Variants in PTPRG observed in about 807,000 individuals in gnomAD.
The protein encoded by PTPRG is protein tyrosine phosphatase receptor type G.
In PTPRG, 102 loss-of-function variants were observed where a neutral mutation model predicts 165.3. The observed-to-expected ratio is 0.62, with a 90% confidence interval of 0.53 to 0.73. PTPRG has a LOEUF of 0.73. PTPRG is among the 30% of genes least tolerant of loss of function. The pLI is 0.00. For synonymous variants in PTPRG, 675 were observed against 669.5 expected, an observed-to-expected ratio of 1.01 and a Z score of -0.13; for missense variants, 1,866 against 1,861.4, an observed-to-expected ratio of 1.00 and a Z score of -0.05.
intron 4 of PTPRG, among the ~76,000 whole-genome samples, chr3:62,046,557 CCAATTAGTCATCAT>C: frequency 6.6e-6 from 1 of 152,316 alleles, no homozygotes; most frequent in South Asian, 2.1e-4. Flanking sequence ...GCAGCCACCA[CCAATTAGTCATCAT>C]TGGCATGCTT....
In PTPRG at chr3:62,293,884, G is replaced by A. The variant is rs1702982064; in HGVS notation, c.*577G>A. 6.6e-6 allele frequency: 1 copy of A among 152,462 alleles called. No homozygotes were observed. The highest frequency in any genetic ancestry group is 2.4e-5 in the African/African-American group (1 of 41,412). 9.4% of individuals were successfully genotyped at this position (152,462 alleles called of 1,614,324 possible). ...GCCTTGAAACAGTTCCATTTATGCT[G>A]GTTAAGAGATCCCTTAAGAAGTTAG... On this transcript the variant is annotated 3_prime_UTR_variant, in exon 30 of 30. Coordinates refer to ENST00000474889, the MANE Select transcript of PTPRG (RefSeq NM_002841.4).
chr3:62,065,365 G>C (rs1220217789), intron 4 of PTPRG, among the ~76,000 whole-genome samples: 1 of 152,150 alleles, frequency 6.6e-6, no homozygotes, highest in Non-Finnish European at 1.5e-5. Context: ...CTGAAAATGG[G>C]TCTTTCAGCA....
chr3:61,768,567 C>A (rs1356208369), intron 2 of PTPRG, among the ~76,000 whole-genome samples: 1 of 152,118 alleles, frequency 6.6e-6, no homozygotes, highest in Non-Finnish European at 1.5e-5. Context: ...GGAGGCTGTT[C>A]ACAGGCTTTT....
intron 1 of PTPRG, among the ~76,000 whole-genome samples, chr3:61,625,033 C>G (rs1701568987): frequency 6.6e-6 from 1 of 151,892 alleles, no homozygotes; most frequent in Admixed American, 6.6e-5. Flanking sequence ...GCCTGTGTCA[C>G]TTTGTGTCAT....
chr3:61,964,914 A>G (rs1397126479), intron 2 of PTPRG, among the ~76,000 whole-genome samples: 1 of 152,146 alleles, frequency 6.6e-6, no homozygotes, highest in Non-Finnish European at 1.5e-5. Flanking sequence ...GCCTTTAAAA[A>G]AAATCCAATC....
At position 62,063,347 on chromosome 3, in the gene PTPRG, T is replaced by A. The variant is rs186255015; in HGVS notation, c.520-14816T>A. On this transcript the variant is annotated intron_variant, in intron 4 of 29. Coordinates refer to ENST00000474889, the MANE Select transcript of PTPRG (RefSeq NM_002841.4). The stretch of plus-strand genomic sequence containing the variant: ...GTTCTTTTTACCACTAAAGCCTTTA[T>A]CCAGTTCAGAAAATGCCTCTCTCTA... 2.8e-3 allele frequency among the ~76,000 whole-genome samples: 425 copies of A among 152,326 alleles called. 2 individuals carry two copies. Among genetic ancestry groups the A allele is most frequent in the African/African-American group, 9.8e-3 (407 of 41,576 alleles).
intron 3 of PTPRG, among the ~76,000 whole-genome samples, chr3:62,000,478 G>A (rs544253257): frequency 6.6e-6 from 1 of 152,192 alleles, no homozygotes; most frequent in African/African-American, 2.4e-5. Context: ...AGAGAGAGAA[G>A]CATCCAGAGA....
At chr3:62,117,283 C>T (rs762179512) in intron 5 of PTPRG, among the ~76,000 whole-genome samples, 10 of 152,244 alleles carry the variant, frequency 6.6e-5, no homozygotes, top group African/African-American at 9.6e-5. Context: ...TCCCAGCTAG[C>T]TCACAAACTG....
chr3:62,028,560 G>A (rs921076803), intron 4 of PTPRG, among the ~76,000 whole-genome samples: 1 of 152,118 alleles, frequency 6.6e-6, no homozygotes, highest in African/African-American at 2.4e-5. Flanking sequence ...CCTTGCCACC[G>A]TATTATGTTA....
chr3:61,641,267 A>G (rs1458449242), intron 1 of PTPRG, among the ~76,000 whole-genome samples: 2 of 151,840 alleles, frequency 1.3e-5, no homozygotes, highest in Admixed American at 6.6e-5. Context: ...ACCATCAAGC[A>G]TTGTTCTTGG....
intron 6 of PTPRG, among the ~76,000 whole-genome samples, chr3:62,135,596 C>T (rs1490834069): frequency 6.6e-6 from 1 of 152,140 alleles, no homozygotes. Context: ...ATAACCTGCT[C>T]ATATCAGCCA....
intron 5 of PTPRG, among the ~76,000 whole-genome samples, chr3:62,111,908 G>A (rs544052735): frequency 6.6e-6 from 1 of 152,276 alleles, no homozygotes; most frequent in Non-Finnish European, 1.5e-5. Flanking sequence ...ATGTATGTAT[G>A]AATCTGTAGG....
At chr3:61,575,918 G>A (rs1700165360) in intron 1 of PTPRG, among the ~76,000 whole-genome samples, 1 of 152,086 alleles carries the variant, frequency 6.6e-6, no homozygotes, top group South Asian at 2.1e-4. Flanking sequence ...TGCCCGGCTG[G>A]CACACAAAAT....
At chr3:62,232,183 T>C (rs982026769) in intron 14 of PTPRG, among the ~76,000 whole-genome samples, 5 of 152,176 alleles carry the variant, frequency 3.3e-5, no homozygotes, top group Admixed American at 1.3e-4. Context: ...GATGAAATTT[T>C]AGATATCCAA....
rs139616581 is a variant in PTPRG at position 62,137,701 on chromosome 3, T to C, written c.682+5033T>C. On this transcript the variant is annotated intron_variant, in intron 6 of 29. Coordinates refer to ENST00000474889, the MANE Select transcript of PTPRG (RefSeq NM_002841.4). ...TTGGCTTTGGGAAGTGCTTTGGAGC[T>C]TCTTCTCAGTCCAACCACTGAGCTG... 2.6e-3 allele frequency among the ~76,000 whole-genome samples: 397 copies of C among 152,236 alleles called. 1 individual carries two copies. The Middle Eastern group carries it at 0.065, about 25-fold the overall frequency.
At chr3:62,128,060 C>T (rs1213818847) in intron 5 of PTPRG, among the ~76,000 whole-genome samples, 1 of 152,132 alleles carries the variant, frequency 6.6e-6, no homozygotes, top group African/African-American at 2.4e-5. Context: ...TTGTCAGTAT[C>T]TCTATATACT....
At chr3:62,135,839 G>C (rs1450478171) in intron 6 of PTPRG, among the ~76,000 whole-genome samples, 2 of 152,178 alleles carry the variant, frequency 1.3e-5, no homozygotes, top group Non-Finnish European at 2.9e-5. Flanking sequence ...GGAAGTCTTT[G>C]CCAAGCTGTC....
At position 62,296,585 on chromosome 3, in the gene PTPRG, C is replaced by T. The variant is rs899589481; in HGVS notation, c.*3278C>T. ...TTATACTGGAAATGCATTTTCAACT[C>T]CTATGTTCTAAAGTTTATGTTCAAA... is the stretch of plus-strand genomic sequence containing the variant. On this transcript the variant is annotated 3_prime_UTR_variant, in exon 30 of 30. Coordinates refer to ENST00000474889, the MANE Select transcript of PTPRG (RefSeq NM_002841.4). 2.0e-5 allele frequency: 3 copies of T among 150,418 alleles called. No homozygotes were observed. The highest frequency in any genetic ancestry group is 4.2e-4 in the South Asian group (2 of 4,774). 9.3% of individuals were successfully genotyped at this position (150,418 alleles called of 1,614,324 possible). A position where few individuals can be genotyped will look rare whatever the true frequency, so the allele number is the denominator to read the frequency against.
chr3:62,201,656 C>T, intron 11 of PTPRG, 102 bp downstream of exon 11: 1 of 1,059,626 alleles, frequency 9.4e-7, no homozygotes, highest in Non-Finnish European at 1.4e-6. Flanking sequence ...TTAAACTGCT[C>T]AGTGTAAAGC....
Sources: allele counts gnomAD v4.1 joint callset (sites outside exome capture counted in the v4.1 genomes callset), GRCh38; gene constraint gnomAD v4.1.1; transcripts MANE v1.5; gene names NCBI Gene and HGNC (gene_info 2026-07-23, HGNC 2026-07-21).